FHIT: variants seen among roughly 807,000 people sequenced by gnomAD.
FHIT encodes bis(5'-adenosyl)-triphosphatase.
FHIT carries 19 observed loss-of-function variants against 17.9 expected under a neutral mutation model. The ratio of observed to expected loss-of-function variants is 1.06; its 90% CI spans 0.74 to 1.56. FHIT has a LOEUF of 1.56. Ranked by LOEUF, FHIT falls within the 40% of genes most tolerant of loss-of-function variation. The pLI is 0.00. For missense variants in FHIT, 248 were observed against 189.2 expected (o/e 1.31, Z -1.82); for synonymous variants, 81 against 69.7 (o/e 1.16, Z -0.81).
At chr3:60,985,129 T>A (rs996142526) in intron 3 of FHIT, among the ~76,000 whole-genome samples, 2 of 152,166 alleles carry the variant, frequency 1.3e-5, no homozygotes, top group African/African-American at 4.8e-5. Context: ...GAGTATGGCA[T>A]TGAAGGACCT....
At chr3:60,038,154 T>C (rs1404366364) in intron 5 of FHIT, among the ~76,000 whole-genome samples, 1 of 152,212 alleles carries the variant, frequency 6.6e-6, no homozygotes, top group Non-Finnish European at 1.5e-5. Context: ...TTTTAAAATT[T>C]TATGTTCAGT....
intron 5 of FHIT, among the ~76,000 whole-genome samples, chr3:60,359,170 T>G (rs933253286): frequency 6.6e-6 from 1 of 152,160 alleles, no homozygotes; most frequent in African/African-American, 2.4e-5. Flanking sequence ...CAGCAGAGAT[T>G]TTCCACATCA....
intron 7 of FHIT, among the ~76,000 whole-genome samples, chr3:59,975,667 C>T (rs764443310): frequency 6.6e-6 from 1 of 151,768 alleles, no homozygotes; most frequent in Non-Finnish European, 1.5e-5. Context: ...GAGTAAGAAG[C>T]GTTACAGGAA....
intron 5 of FHIT, among the ~76,000 whole-genome samples, chr3:60,272,286 C>T (rs974361384): frequency 3.3e-5 from 5 of 152,130 alleles, no homozygotes; most frequent in African/African-American, 1.2e-4. Context: ...GCTGAAGGTA[C>T]AGAAGACAGG....
intron 4 of FHIT, among the ~76,000 whole-genome samples, chr3:60,669,538 G>A (rs782401020): frequency 1.3e-5 from 2 of 152,100 alleles, no homozygotes; most frequent in Non-Finnish European, 2.9e-5. Context: ...ATACATGTAT[G>A]TTTCAAGCAT....
chr3:60,284,615 A>G (rs1707629819), intron 5 of FHIT, among the ~76,000 whole-genome samples: 1 of 152,130 alleles, frequency 6.6e-6, no homozygotes, highest in Non-Finnish European at 1.5e-5. Context: ...TTTCTTTGCT[A>G]ATTTACACCC....
At chr3:61,198,894 CCGATGATGA>C (rs2038931261) in intron 2 of FHIT, among the ~76,000 whole-genome samples, 1 of 53,892 alleles carries the variant, frequency 1.9e-5, no homozygotes, top group African/African-American at 6.1e-5. Context: ...GCTGCCGCCG[CCGATGATGA>C]TGATGATGAT....
intron 8 of FHIT, among the ~76,000 whole-genome samples, chr3:59,851,421 A>T (rs530175196): frequency 6.6e-6 from 1 of 152,318 alleles, no homozygotes; most frequent in South Asian, 2.1e-4. Context: ...CTCCCATGCA[A>T]GGGACCTATG....
chr3:60,874,692 G>A (rs755834046), intron 3 of FHIT, among the ~76,000 whole-genome samples: 2 of 152,082 alleles, frequency 1.3e-5, no homozygotes, highest in Admixed American at 6.6e-5. Context: ...CAAGAGTTGC[G>A]ATCCTAGACC....
At chr3:60,844,814 T>C (rs1182151059) in intron 3 of FHIT, among the ~76,000 whole-genome samples, 3 of 152,156 alleles carry the variant, frequency 2.0e-5, no homozygotes, top group African/African-American at 7.2e-5. Context: ...TTCATTTTCT[T>C]GATTTATTTC....
intron 4 of FHIT, among the ~76,000 whole-genome samples, chr3:60,666,428 C>T (rs2040383044): frequency 6.6e-6 from 1 of 152,170 alleles, no homozygotes; most frequent in Admixed American, 6.5e-5. Flanking sequence ...TCCTTCTCAT[C>T]TCCATTTTAT....
At chr3:60,803,843 C>T (rs996428049) in intron 4 of FHIT, among the ~76,000 whole-genome samples, 2 of 151,712 alleles carry the variant, frequency 1.3e-5, no homozygotes, top group Admixed American at 6.6e-5. Flanking sequence ...CAGCTGGCAC[C>T]GAACAGGCCA....
chr3:60,194,994 T>C (rs150962104), intron 5 of FHIT, among the ~76,000 whole-genome samples: 131 of 152,090 alleles, frequency 8.6e-4, no homozygotes, highest in Non-Finnish European at 1.6e-3. Flanking sequence ...GGAGAAACGC[T>C]GTAACAACTA....
chr3:61,236,198 ATAG>A (rs1044331676), intron 1 of FHIT, among the ~76,000 whole-genome samples: 7 of 148,048 alleles, frequency 4.7e-5, no homozygotes, highest in African/African-American at 1.7e-4. Context: ...GTTATAATAT[ATAG>A]TATATTATAT....
chr3:59,774,822 C>T (rs1234010554), intron 8 of FHIT, among the ~76,000 whole-genome samples: 1 of 152,164 alleles, frequency 6.6e-6, no homozygotes, highest in Non-Finnish European at 1.5e-5. Context: ...TCCTAAGGCT[C>T]CACGGCCAGA....
At chr3:59,892,190 G>A (rs1350605765) in intron 8 of FHIT, among the ~76,000 whole-genome samples, 2 of 152,138 alleles carry the variant, frequency 1.3e-5, no homozygotes, top group African/African-American at 4.8e-5. Flanking sequence ...CATCGGGAGG[G>A]ACATAGCTGG....
intron 2 of FHIT, among the ~76,000 whole-genome samples, chr3:61,077,209 C>T (rs1003306509): frequency 6.6e-6 from 1 of 152,006 alleles, no homozygotes; most frequent in Non-Finnish European, 1.5e-5. Context: ...GATAAATCAA[C>T]GAAAGCCCCC....
intron 2 of FHIT, among the ~76,000 whole-genome samples, chr3:61,189,758 A>T (rs1460062152): frequency 1.5e-4 from 23 of 151,720 alleles, no homozygotes; most frequent in African/African-American, 5.1e-4. Flanking sequence ...GGAACAGAAC[A>T]GAGCCCTCAG....
At chr3:60,643,784 C>T (rs74993519) in intron 4 of FHIT, among the ~76,000 whole-genome samples, 2,786 of 152,214 alleles carry the variant, frequency 0.018, 93 homozygotes, top group African/African-American at 0.062. Flanking sequence ...CAGAAAGGAA[C>T]GAATTGGCAG....
Sources: allele counts gnomAD v4.1 joint callset (sites outside exome capture counted in the v4.1 genomes callset), GRCh38; gene constraint gnomAD v4.1.1; transcripts MANE v1.5; gene names NCBI Gene and HGNC (gene_info 2026-07-23, HGNC 2026-07-21).